Variants in FGD5 observed in about 807,000 individuals in gnomAD.
The protein encoded by FGD5 is FYVE, RhoGEF and PH domain-containing protein 5.
Under a neutral mutation model 133.4 loss-of-function variants are expected in FGD5, and 28 were observed. The observed-to-expected ratio is 0.21, with a 90% CI of 0.16 to 0.29. FGD5 has a LOEUF of 0.29. Ranked by LOEUF, FGD5 falls within the 10% of genes least tolerant of loss-of-function variation. The pLI is 1.00. For synonymous variants in FGD5, 810 were observed against 776.5 expected (o/e 1.04, Z -0.72); for missense variants, 1,858 against 1,895.2 (o/e 0.98, Z 0.36).
Position 14,840,952 on chromosome 3 carries a change from G to A in FGD5, c.2525+19356G>A, listed in dbSNP as rs116407913. On this transcript the variant is annotated intron_variant, in intron 1 of 19. Coordinates refer to ENST00000285046, the MANE Select transcript of FGD5 (RefSeq NM_152536.4). ...TAATAAAAGTTACTCTCAGCCAGGC[G>A]GTGGTAGGCTCAGCAGACACAGCAG... is the stretch of plus-strand genomic sequence containing the variant. 9.3e-3 allele frequency among the ~76,000 whole-genome samples: 1,410 copies of A among 152,298 alleles called. 19 individuals are homozygous for A. Among genetic ancestry groups the A allele is most frequent in the African/African-American group, 0.032 (1,317 of 41,558 alleles).
chr3:14,918,950 CCTT>C (rs2038618415), intron 13 of FGD5, 117 bp downstream of exon 13: 4 of 1,089,106 alleles, frequency 3.7e-6, no homozygotes, highest in African/African-American at 3.1e-5. Context: ...GTCAAAGTAT[CCTT>C]CTGGGTCAAA....
chr3:14,871,550 A>G (rs2037607218), intron 2 of FGD5, among the ~76,000 whole-genome samples: 1 of 152,214 alleles, frequency 6.6e-6, no homozygotes, highest in Non-Finnish European at 1.5e-5. Context: ...ATTTCAGTAC[A>G]GTAACACAAG....
chr3:14,915,517 CTA>C (rs1403571598), intron 11 of FGD5, among the ~76,000 whole-genome samples: 3 of 152,126 alleles, frequency 2.0e-5, no homozygotes, highest in African/African-American at 4.8e-5. Flanking sequence ...TATGTTGACA[CTA>C]TGTGTAGAGC....
intron 1 of FGD5, among the ~76,000 whole-genome samples, chr3:14,855,778 C>A (rs137981095): frequency 4.5e-4 from 68 of 152,002 alleles, no homozygotes; most frequent in African/African-American, 1.5e-3. Flanking sequence ...GGATATTAAT[C>A]CCCTGTCGGA....
chr3:14,871,459 T>C (rs1481350033), intron 2 of FGD5, among the ~76,000 whole-genome samples: 1 of 152,242 alleles, frequency 6.6e-6, no homozygotes, highest in Non-Finnish European at 1.5e-5. Flanking sequence ...CAGTGAGTGA[T>C]GGAGCTGGGA....
intron 4 of FGD5, among the ~76,000 whole-genome samples, chr3:14,890,241 C>T (rs940421380): frequency 6.6e-6 from 1 of 152,154 alleles, no homozygotes; most frequent in African/African-American, 2.4e-5. Context: ...AAGGCTTTCC[C>T]ACGGCCAAGC....
chr3:14,927,740 C>A (rs2038832809), intron 18 of FGD5, among the ~76,000 whole-genome samples: 1 of 152,036 alleles, frequency 6.6e-6, no homozygotes, highest in African/African-American at 2.4e-5. Flanking sequence ...ATCAAAAATA[C>A]ATAGGAATCT....
intron 2 of FGD5, among the ~76,000 whole-genome samples, chr3:14,871,212 G>A (rs763353323): frequency 2.2e-4 from 33 of 152,104 alleles, no homozygotes; most frequent in Non-Finnish European, 4.3e-4. Context: ...CTTGCCCATC[G>A]TTTGCCTTTC....
intron 18 of FGD5, among the ~76,000 whole-genome samples, chr3:14,930,548 G>A (rs2038885137): frequency 6.6e-6 from 1 of 151,270 alleles, no homozygotes; most frequent in African/African-American, 2.4e-5. Context: ...AGTGAGCCGA[G>A]ATCACACCAC....
At chr3:14,834,472 C>T (rs746069148) in intron 1 of FGD5, among the ~76,000 whole-genome samples, 101 of 152,308 alleles carry the variant, frequency 6.6e-4, no homozygotes, top group Admixed American at 2.2e-3. Context: ...GCACTGGAGC[C>T]GTTATTACTA....
At chr3:14,856,872 A>C (rs1035367199) in intron 1 of FGD5, among the ~76,000 whole-genome samples, 1 of 152,058 alleles carries the variant, frequency 6.6e-6, no homozygotes, top group Non-Finnish European at 1.5e-5. Context: ...GATGCCTTTT[A>C]TTTCTTTCTC....
intron 1 of FGD5, among the ~76,000 whole-genome samples, chr3:14,861,684 T>C (rs1348876347): frequency 6.6e-6 from 1 of 152,154 alleles, no homozygotes; most frequent in Non-Finnish European, 1.5e-5. Flanking sequence ...CACCCCCTGC[T>C]TGGCTTGAGG....
intron 10 of FGD5, among the ~76,000 whole-genome samples, chr3:14,908,744 G>C (rs2038386073): frequency 6.6e-6 from 1 of 151,358 alleles, no homozygotes; most frequent in Admixed American, 6.6e-5. Context: ...AAATTAGCCA[G>C]ATGTGGTGGC....
At chr3:14,900,559 C>A in intron 8 of FGD5, 106 bp downstream of exon 8, 1 of 1,328,850 alleles carries the variant, frequency 7.5e-7, no homozygotes, top group Non-Finnish European at 1.1e-6. Context: ...TAGTCCCCTC[C>A]CCACCAGCTG....
intron 7 of FGD5, 100 bp from the exon 8 acceptor site, chr3:14,900,303 T>A: frequency 8.3e-7 from 1 of 1,210,334 alleles, no homozygotes; most frequent in Non-Finnish European, 1.2e-6. Flanking sequence ...GGTGGATGCT[T>A]CATTCTTCCA....
intron 2 of FGD5, among the ~76,000 whole-genome samples, chr3:14,875,751 C>T (rs1050265190): frequency 6.6e-6 from 1 of 152,024 alleles, no homozygotes; most frequent in Non-Finnish European, 1.5e-5. Context: ...AGAGGTAGAG[C>T]AGTGTGGAGT....
intron 2 of FGD5, among the ~76,000 whole-genome samples, chr3:14,871,002 T>A (rs894549597): frequency 1.3e-5 from 2 of 152,224 alleles, no homozygotes; most frequent in African/African-American, 4.8e-5. Context: ...TTCTGTCTGC[T>A]CCTTAAACCC....
At chr3:14,854,441 G>C (rs1025169346) in intron 1 of FGD5, among the ~76,000 whole-genome samples, 1 of 95,922 alleles carries the variant, frequency 1.0e-5, no homozygotes, top group African/African-American at 4.1e-5. Context: ...TTATTGAGAC[G>C]AGCTCACTCT....
chr3:14,923,527 A>G (rs1371096461), intron 16 of FGD5, among the ~76,000 whole-genome samples: 1 of 152,028 alleles, frequency 6.6e-6, no homozygotes, highest in African/African-American at 2.4e-5. Flanking sequence ...TAAGGACTAT[A>G]TAAGCGTGGC....
Sources: gnomAD v4.1 joint callset for allele counts (sites outside exome capture counted in the v4.1 genomes callset) on GRCh38, gnomAD v4.1.1 for gene constraint, MANE v1.5 for transcripts, NCBI Gene and HGNC (gene_info 2026-07-23, HGNC 2026-07-21) for gene names.